LINGO2: variants seen among roughly 807,000 people sequenced by gnomAD.
LINGO2 encodes leucine rich repeat and Ig domain containing 2.
LINGO2 carries 14 observed loss-of-function variants against 30.6 expected under a neutral mutation model. The observed-to-expected ratio is 0.46, with a 90% CI of 0.30 to 0.72. The LOEUF is 0.72. LINGO2 is among the 30% of genes least tolerant of loss of function. The pLI is 0.07. For missense variants in LINGO2, 729 were observed against 751.7 expected (o/e 0.97, Z 0.35); for synonymous variants, 317 against 288.5 (o/e 1.10, Z -1.00).
At chr9:29,188,463 C>T in the LINGO2 span, among the ~76,000 whole-genome samples, 3 of 152,228 alleles carry the variant, frequency 2.0e-5, no homozygotes, top group Admixed American at 2.0e-4. Context: ...AATCTTTTCC[C>T]CACCTTTCCC....
chr9:28,746,328 G>C, the LINGO2 span, among the ~76,000 whole-genome samples: 1 of 151,916 alleles, frequency 6.6e-6, no homozygotes, highest in African/African-American at 2.4e-5. Context: ...AAAATTACTT[G>C]ACACGCTATA....
the LINGO2 span, among the ~76,000 whole-genome samples, chr9:28,734,667 GA>G: frequency 9.2e-4 from 140 of 152,220 alleles, no homozygotes; most frequent in African/African-American, 3.1e-3. Flanking sequence ...TACAAATGAT[GA>G]AGTAAATTAA....
chr9:28,624,606 A>C, intron 1 of LINGO2, among the ~76,000 whole-genome samples: 1 of 150,930 alleles, frequency 6.6e-6, no homozygotes, highest in East Asian at 2.0e-4. Context: ...ATTGATATTC[A>C]TCAGAGATAT....
chr9:28,783,613 G>T, the LINGO2 span, among the ~76,000 whole-genome samples: 3 of 151,840 alleles, frequency 2.0e-5, no homozygotes, highest in Non-Finnish European at 4.4e-5. Flanking sequence ...AGAGGGGAGG[G>T]GTTAGCAAAA....
the LINGO2 span, among the ~76,000 whole-genome samples, chr9:28,946,645 T>C: frequency 1.3e-5 from 2 of 152,154 alleles, no homozygotes; most frequent in Non-Finnish European, 2.9e-5. Context: ...CTGGAGATAA[T>C]TGAAGACTGC....
the LINGO2 span, among the ~76,000 whole-genome samples, chr9:29,099,972 A>G: frequency 6.6e-6 from 1 of 152,200 alleles, no homozygotes; most frequent in Non-Finnish European, 1.5e-5. Context: ...CAAGATTTGG[A>G]AGCAACCTAG....
chr9:28,089,466 C>G (rs903203161), intron 4 of LINGO2, among the ~76,000 whole-genome samples: 2 of 152,184 alleles, frequency 1.3e-5, no homozygotes, highest in Non-Finnish European at 1.5e-5. Flanking sequence ...TGAATGACTA[C>G]TGGGTGCATA....
chr9:28,809,132 G>GA, the LINGO2 span, among the ~76,000 whole-genome samples: 1 of 152,146 alleles, frequency 6.6e-6, no homozygotes. Context: ...AACAAAATGA[G>GA]AAAAAGACGT....
the LINGO2 span, among the ~76,000 whole-genome samples, chr9:29,175,578 G>A: frequency 6.8e-6 from 1 of 146,624 alleles, no homozygotes; most frequent in African/African-American, 2.5e-5. Flanking sequence ...CCAGGATGGA[G>A]TGCAGTGGAG....
At chr9:28,915,568 C>T in the LINGO2 span, among the ~76,000 whole-genome samples, 1 of 152,156 alleles carries the variant, frequency 6.6e-6, no homozygotes, top group Non-Finnish European at 1.5e-5. Context: ...CCTCACTTAA[C>T]TTAAAGATTA....
At chr9:28,674,936 CA>C (rs1245459668), upstream of LINGO2, among the ~76,000 whole-genome samples, 3 of 152,082 alleles carry the variant, frequency 2.0e-5, no homozygotes, top group Non-Finnish European at 4.4e-5. Context: ...AAATGGTCTA[CA>C]CTACATTGGG....
intron 1 of LINGO2, among the ~76,000 whole-genome samples, chr9:28,574,039 A>G (rs1366309763): frequency 5.3e-5 from 8 of 152,214 alleles, no homozygotes; most frequent in Admixed American, 5.2e-4. Flanking sequence ...AATGGCTCCC[A>G]TGATTCACTG....
At chr9:29,155,332 G>C in the LINGO2 span, among the ~76,000 whole-genome samples, 6 of 151,994 alleles carry the variant, frequency 3.9e-5, no homozygotes, top group Non-Finnish European at 7.4e-5. Context: ...ATTTTTTAAA[G>C]TAGGGGTGTT....
intron 3 of LINGO2, among the ~76,000 whole-genome samples, chr9:28,342,470 C>T (rs1819382894): frequency 6.6e-6 from 1 of 152,120 alleles, no homozygotes; most frequent in African/African-American, 2.4e-5. Context: ...ACCAGCCCAC[C>T]AGCAGTCAGT....
In LINGO2 at chr9:27,978,191, T is replaced by C. The variant is rs555308786; in HGVS notation, c.-35-27485A>G. Among the ~76,000 whole-genome samples, 12 of 152,160 alleles carry C rather than the reference T, an allele frequency of 7.9e-5. No individual in the cohort carries two copies. In the South Asian group the frequency reaches 2.3e-3, roughly 29 times the overall value. ...CTTTGGCGCTGATCCTATCCTGAAT[T>C]CTAAGAACTTTTAAGCCTTCTTTAG... On this transcript the variant is annotated intron_variant, in intron 5 of 5. Coordinates refer to ENST00000379992, the Ensembl canonical transcript of LINGO2.
chr9:28,910,610 G>A, the LINGO2 span, among the ~76,000 whole-genome samples: 1 of 152,006 alleles, frequency 6.6e-6, no homozygotes, highest in African/African-American at 2.4e-5. Flanking sequence ...GTTTGAAAGT[G>A]TGTAGCACCT....
At chr9:28,000,117 G>A (rs569339883) in intron 5 of LINGO2, among the ~76,000 whole-genome samples, 2 of 152,148 alleles carry the variant, frequency 1.3e-5, no homozygotes, top group African/African-American at 2.4e-5. Context: ...GACTAGACAC[G>A]AGTGAAGCAA....
intron 4 of LINGO2, among the ~76,000 whole-genome samples, chr9:28,068,280 G>A (rs552505896): frequency 2.6e-5 from 4 of 152,232 alleles, no homozygotes; most frequent in African/African-American, 7.2e-5. Context: ...GTGCTTTAAA[G>A]GTAGGTTTCT....
chr9:29,184,244 C>T, the LINGO2 span, among the ~76,000 whole-genome samples: 1 of 151,792 alleles, frequency 6.6e-6, no homozygotes, highest in Non-Finnish European at 1.5e-5. Flanking sequence ...AAGTAGCCAG[C>T]TGTGTTTGCA....
Sources: allele counts gnomAD v4.1 joint callset (sites outside exome capture counted in the v4.1 genomes callset), GRCh38; gene constraint gnomAD v4.1.1; transcripts MANE v1.5; gene names NCBI Gene and HGNC (gene_info 2026-07-23, HGNC 2026-07-21).